XPO4: variants seen among roughly 807,000 people sequenced by gnomAD.
XPO4 encodes exportin 4.
A neutral mutation model predicts 143.0 loss-of-function variants in XPO4; 39 were observed. That is an observed-to-expected ratio of 0.27 (90% confidence interval 0.21 to 0.36). The LOEUF (loss-of-function observed/expected upper bound fraction) is 0.36, where lower values mean the gene tolerates loss of function less well. Among genes scored for constraint, XPO4 ranks in the 10% least tolerant of loss-of-function variants. The pLI is 1.00. For missense variants in XPO4, 907 were observed against 1,348.0 expected (o/e 0.67, Z 5.12); for synonymous variants, 439 against 474.0 (o/e 0.93, Z 0.96).
At chr13:20,856,281 C>T (rs1384933462) in intron 3 of XPO4, 15 of 964,018 alleles carry the variant, frequency 1.6e-5, no homozygotes, top group Admixed American at 6.2e-5. Flanking sequence ...TACTAGCTAT[C>T]CGAGATACAT....
chr13:20,806,773 A>C (rs1221592465), intron 13 of XPO4, among the ~76,000 whole-genome samples: 2 of 151,790 alleles, frequency 1.3e-5, no homozygotes, highest in Non-Finnish European at 2.9e-5. Flanking sequence ...GGAGGGTCTC[A>C]ATCTCTTGAC....
intron 1 of XPO4, among the ~76,000 whole-genome samples, chr13:20,898,587 T>G (rs1244719802): frequency 6.6e-6 from 1 of 151,894 alleles, no homozygotes; most frequent in Non-Finnish European, 1.5e-5. Context: ...AAAAAACCTA[T>G]GAAAATTACT....
chr13:20,895,386 CT>C (rs895672632), intron 1 of XPO4, among the ~76,000 whole-genome samples: 13 of 152,186 alleles, frequency 8.5e-5, no homozygotes, highest in Admixed American at 7.9e-4. Context: ...AATCCTAGCA[CT>C]TTGGGAGGCT....
intron 1 of XPO4, among the ~76,000 whole-genome samples, chr13:20,901,681 C>T (rs1174704067): frequency 2.0e-5 from 3 of 152,090 alleles, no homozygotes; most frequent in African/African-American, 7.2e-5. Flanking sequence ...AGAATTAGTT[C>T]GAATATTCTC....
At chr13:20,871,397 G>C (rs563139092) in intron 1 of XPO4, among the ~76,000 whole-genome samples, 21 of 152,224 alleles carry the variant, frequency 1.4e-4, no homozygotes, top group African/African-American at 4.8e-4. Flanking sequence ...ATAGTTCACT[G>C]TAACCTCAAA....
intron 18 of XPO4, 116 bp downstream of exon 18, chr13:20,795,960 T>G: frequency 8.7e-7 from 1 of 1,155,686 alleles, no homozygotes; most frequent in Non-Finnish European, 1.2e-6. Flanking sequence ...AGATCTTCTT[T>G]CATTTATTCC....
At chr13:20,809,306 T>G in intron 10 of XPO4, 81 bp from the exon 11 acceptor site, 1 of 1,520,478 alleles carries the variant, frequency 6.6e-7, no homozygotes, top group Non-Finnish European at 8.8e-7. Flanking sequence ...TAACATAGCT[T>G]AGATAGCTAA....
At chr13:20,879,626 T>G (rs1425573944) in intron 1 of XPO4, among the ~76,000 whole-genome samples, 1 of 152,024 alleles carries the variant, frequency 6.6e-6, no homozygotes, top group Non-Finnish European at 1.5e-5. Flanking sequence ...GAACAATAAA[T>G]TAAAGAATCA....
Position 20,788,043 on chromosome 13 carries a change from T to C in XPO4, c.3047+443A>G, listed in dbSNP as rs1028631488. ...AATAGAGCAGTTACAGAGGTGACAG[T>C]TTTTTGTTTTTTTGTTTTTTTTTTT... On this transcript the variant is annotated intron_variant, in intron 20 of 22. Coordinates refer to ENST00000255305, the MANE Select transcript of XPO4 (RefSeq NM_022459.5). Among the ~76,000 whole-genome samples, 3 of 133,022 alleles carry C rather than the reference T, an allele frequency of 2.3e-5. 1 individual carries two copies. The highest frequency in any genetic ancestry group is 9.4e-5 in the African/African-American group (3 of 32,046). 87.3% of individuals were successfully genotyped at this position (133,022 alleles called of 152,430 possible).
chr13:20,787,302 T>TA (rs1291204257), intron 21 of XPO4, among the ~76,000 whole-genome samples, 179 bp downstream of exon 21: 1 of 152,074 alleles, frequency 6.6e-6, no homozygotes, highest in African/African-American at 2.4e-5. Context: ...ACACAAAAAA[T>TA]AGAGGATGAG....
chr13:20,897,525 A>G (rs1397006409), intron 1 of XPO4, among the ~76,000 whole-genome samples: 1 of 152,142 alleles, frequency 6.6e-6, no homozygotes, highest in Non-Finnish European at 1.5e-5. Context: ...AACTTTACCA[A>G]CCAACATTTG....
chr13:20,795,670 G>A (rs1371963988), intron 18 of XPO4, among the ~76,000 whole-genome samples: 1 of 152,180 alleles, frequency 6.6e-6, no homozygotes, highest in Non-Finnish European at 1.5e-5. Context: ...GTCAGGAAGT[G>A]TAACTCTGAA....
chr13:20,814,586 G>A (rs545997121), intron 9 of XPO4, among the ~76,000 whole-genome samples: 20 of 152,332 alleles, frequency 1.3e-4, no homozygotes, highest in South Asian at 1.2e-3. Flanking sequence ...CTAACCTAGC[G>A]CTTTTTCATA....
At chr13:20,824,732 G>A (rs1335208719) in intron 7 of XPO4, among the ~76,000 whole-genome samples, 1 of 152,164 alleles carries the variant, frequency 6.6e-6, no homozygotes, top group Non-Finnish European at 1.5e-5. Context: ...AAAAGGGACA[G>A]AGGGATAAGG....
At chr13:20,891,778 G>A (rs957738921) in intron 1 of XPO4, among the ~76,000 whole-genome samples, 4 of 151,536 alleles carry the variant, frequency 2.6e-5, no homozygotes, top group African/African-American at 9.7e-5. Flanking sequence ...CAGGAGAATT[G>A]CTTGAACCCG....
intron 21 of XPO4, 92 bp from the exon 22 acceptor site, chr13:20,787,149 G>A: frequency 1.9e-6 from 2 of 1,070,816 alleles, no homozygotes; most frequent in South Asian, 1.6e-5. Context: ...GAGAGGGTTG[G>A]TTGTTATTCT....
At chr13:20,843,074 T>G in intron 5 of XPO4, 26 bp from the exon 6 acceptor site, 1 of 1,557,760 alleles carries the variant, frequency 6.4e-7, no homozygotes. Context: ...CACAAATATT[T>G]TATATGAAAA....
intron 4 of XPO4, among the ~76,000 whole-genome samples, chr13:20,847,587 A>ACC (rs1844658265): frequency 6.6e-6 from 1 of 151,984 alleles, no homozygotes; most frequent in African/African-American, 2.4e-5. Flanking sequence ...CGAGTGCACT[A>ACC]CCCCCTAACT....
Position 20,849,855 on chromosome 13 carries a change from C to G in XPO4, c.456+5772G>C, listed in dbSNP as rs1326585175. Reference sequence around the variant, plus strand: ...ATGTGGTGGCTCACACCTGTAATCCCAGCACTTTGGGAGGCTGAAGTGGGC... The same window carrying G: ...ATGTGGTGGCTCACACCTGTAATCCGAGCACTTTGGGAGGCTGAAGTGGGC... On this transcript the variant is annotated intron_variant, in intron 4 of 22. Transcript: ENST00000255305. The G allele has an allele frequency of 3.1e-6, 3 of 973,618 alleles. No homozygotes were observed. The Admixed American group carries it at 1.8e-4, about 60-fold the overall frequency. The allele number at this position is 973,618 out of a possible 1,614,324, so 60.3% of individuals were successfully genotyped here.
Sources: allele counts gnomAD v4.1 joint callset (sites outside exome capture counted in the v4.1 genomes callset), GRCh38; gene constraint gnomAD v4.1.1; transcripts MANE v1.5; gene names NCBI Gene and HGNC (gene_info 2026-07-23, HGNC 2026-07-21).